The following DENND2B variants were observed in gnomAD, a reference collection of about 807,000 sequenced individuals.
The protein encoded by DENND2B is DENN domain-containing protein 2B.
A neutral mutation model predicts 116.0 loss-of-function variants in DENND2B; 32 were observed. The ratio of observed to expected loss-of-function variants is 0.28; its 90% CI spans 0.21 to 0.37. DENND2B has a LOEUF of 0.37. DENND2B is among the 10% of genes least tolerant of loss of function. The probability of loss-of-function intolerance (pLI) is 1.00; values close to 1 mark genes in which losing one functional copy is unlikely to be tolerated. For missense variants in DENND2B, 1,276 were observed against 1,477.7 expected (o/e 0.86, Z 2.24); for synonymous variants, 588 against 583.9 (o/e 1.01, Z -0.10).
At chr11:8,891,081 AAT>A (rs1204232061) in intron 1 of DENND2B, among the ~76,000 whole-genome samples, 3 of 152,236 alleles carry the variant, frequency 2.0e-5, no homozygotes, top group Non-Finnish European at 4.4e-5. Context: ...AGTGGGGGCC[AAT>A]ATTCAACATT....
At chr11:8,779,616 T>C (rs1284552433) in intron 1 of DENND2B, among the ~76,000 whole-genome samples, 2 of 150,732 alleles carry the variant, frequency 1.3e-5, no homozygotes, top group Non-Finnish European at 2.9e-5. Flanking sequence ...CGGGTTCAAG[T>C]GATTTTCTTG....
intron 2 of DENND2B, among the ~76,000 whole-genome samples, chr11:8,869,566 G>T (rs991170066): frequency 2.0e-5 from 3 of 152,052 alleles, no homozygotes. Flanking sequence ...GGAGGCTGAG[G>T]CAGGAGAATT....
chr11:8,776,160 G>GCGCGCACACACACACACACACA (rs1555185787), intron 1 of DENND2B: 3 of 390,322 alleles, frequency 7.7e-6, no homozygotes, highest in Admixed American at 3.1e-5. Context: ...GCGCGCGCGC[G>GCGCGCACACACACACACACACA]CACACACACA....
intron 3 of DENND2B, among the ~76,000 whole-genome samples, chr11:8,854,206 T>G (rs2742553): frequency 0.21 from 31,850 of 150,944 alleles, 3,803 homozygotes; most frequent in Middle Eastern, 0.36. Context: ...ATTTATGTAT[T>G]TATTTATTTA....
chr11:8,880,383 G>GTGTGTGT (rs1327960965), intron 2 of DENND2B, among the ~76,000 whole-genome samples: 7 of 146,506 alleles, frequency 4.8e-5, no homozygotes, highest in African/African-American at 2.5e-5. Context: ...GTGTGTGTGT[G>GTGTGTGT]TAGTTTTTAC....
chr11:8,842,978 G>A (rs1219394999), intron 3 of DENND2B, among the ~76,000 whole-genome samples: 1 of 151,412 alleles, frequency 6.6e-6, no homozygotes, highest in East Asian at 1.9e-4. Context: ...CTGGCCTAAG[G>A]ATCTCAAATT....
At chr11:8,782,617 T>C (rs1452203828) in intron 1 of DENND2B, among the ~76,000 whole-genome samples, 2 of 152,170 alleles carry the variant, frequency 1.3e-5, no homozygotes. Flanking sequence ...CCGGGCGCAG[T>C]GGCTCACGCC....
intron 1 of DENND2B, among the ~76,000 whole-genome samples, chr11:8,882,058 T>C (rs1225618415): frequency 2.6e-5 from 4 of 152,158 alleles, no homozygotes; most frequent in African/African-American, 4.8e-5. Flanking sequence ...TCTACTTGCA[T>C]GGTTTCAATT....
chr11:8,711,809 G>A (rs1302492319), intron 9 of DENND2B: 8 of 301,164 alleles, frequency 2.7e-5, no homozygotes, highest in African/African-American at 4.3e-5. Context: ...GGAGGTTGCA[G>A]TGAGCCGAGA....
chr11:8,799,918 T>TTTATTATTA (rs143632896), intron 1 of DENND2B, among the ~76,000 whole-genome samples: 20 of 143,670 alleles, frequency 1.4e-4, no homozygotes, highest in African/African-American at 4.9e-4. Flanking sequence ...TCACCATGTA[T>TTTATTATTA]TTATTATTAT....
At chr11:8,900,904 G>A (rs918113129) in intron 1 of DENND2B, among the ~76,000 whole-genome samples, 1 of 151,926 alleles carries the variant, frequency 6.6e-6, no homozygotes. Context: ...GGGAGGCAGA[G>A]GTTGCAGTGA....
chr11:8,780,695 G>A (rs990504124), intron 1 of DENND2B, among the ~76,000 whole-genome samples: 1 of 152,172 alleles, frequency 6.6e-6, no homozygotes, highest in Non-Finnish European at 1.5e-5. Flanking sequence ...AATCACAGAA[G>A]TTTTCTGAGA....
intron 4 of DENND2B, among the ~76,000 whole-genome samples, chr11:8,821,578 CAA>C (rs5789587): frequency 1.0e-4 from 15 of 149,228 alleles, no homozygotes; most frequent in African/African-American, 1.2e-4. Flanking sequence ...GATCCTGTCT[CAA>C]AAAAAAAAAG....
upstream of DENND2B, among the ~76,000 whole-genome samples, chr11:8,872,760 T>A (rs1594324174): frequency 6.6e-6 from 1 of 152,100 alleles, no homozygotes; most frequent in African/African-American, 2.4e-5. Context: ...TGCTTCTACA[T>A]TAGGAAAGCC....
chr11:8,864,768 G>A (rs1049460649), intron 2 of DENND2B, among the ~76,000 whole-genome samples: 4 of 152,194 alleles, frequency 2.6e-5, no homozygotes, highest in Non-Finnish European at 4.4e-5. Flanking sequence ...GCACTTCCCA[G>A]AGACCAGTGT....
intron 2 of DENND2B, among the ~76,000 whole-genome samples, chr11:8,739,988 C>G (rs1311434755): frequency 2.0e-5 from 3 of 151,844 alleles, no homozygotes; most frequent in African/African-American, 4.8e-5. Flanking sequence ...GAGTTGGAGA[C>G]CAGCCTAGGC....
rs201151899 is a variant in DENND2B at position 8,901,233 on chromosome 11, T to TCTTTTCTTTTC, written c.-256+9587_-256+9588insGAAAAGAAAAG. Among the ~76,000 whole-genome samples, 511 of 104,196 alleles carry TCTTTTCTTTTC rather than the reference T, an allele frequency of 4.9e-3. 2 individuals are homozygous for TCTTTTCTTTTC. The highest frequency in any genetic ancestry group is 0.016 in the East Asian group (56 of 3,560). 68.4% of individuals were successfully genotyped at this position (104,196 alleles called of 152,430 possible). A position where few individuals can be genotyped will look rare whatever the true frequency, so the allele number is the denominator to read the frequency against. ...TTCTTTCTTTTCTTTTCTTTTCTTT[T>TCTTTTCTTTTC]TTTTTTTTTTTTTTGAGATGGAGTC... On this transcript the variant is annotated intron_variant, in intron 1 of 22. Coordinates refer to the DENND2B transcript ENST00000534127.
intron 1 of DENND2B, among the ~76,000 whole-genome samples, chr11:8,772,159 A>ACC (rs2057015083): frequency 6.8e-6 from 1 of 146,066 alleles, no homozygotes; most frequent in Non-Finnish European, 1.5e-5. Context: ...ACACACACAC[A>ACC]CCAAAATTTT....
chr11:8,810,917 T>TC (rs1323283099), upstream of DENND2B: 1 of 185,560 alleles, frequency 5.4e-6, no homozygotes, highest in Non-Finnish European at 1.1e-5. Flanking sequence ...TCCTCCTACC[T>TC]CCCTTCCAGT....
Sources: allele counts gnomAD v4.1 joint callset (sites outside exome capture counted in the v4.1 genomes callset), GRCh38; gene constraint gnomAD v4.1.1; transcripts MANE v1.5; gene names NCBI Gene and HGNC (gene_info 2026-07-23, HGNC 2026-07-21).